Variants in NWD2 observed in about 807,000 individuals in gnomAD.
NWD2 encodes NACHT and WD repeat domain-containing protein 2.
In NWD2, 37 loss-of-function variants were observed where a neutral mutation model predicts 132.7. The observed-to-expected ratio is 0.28, with a 90% CI of 0.21 to 0.37. The LOEUF (loss-of-function observed/expected upper bound fraction) is 0.37, where lower values mean the gene tolerates loss of function less well. Ranked by LOEUF, NWD2 falls within the 10% of genes least tolerant of loss-of-function variation. The pLI is 1.00. For synonymous variants in NWD2, 705 were observed against 803.0 expected (o/e 0.88, Z 2.06); for missense variants, 1,592 against 2,122.4 (o/e 0.75, Z 4.91).
At chr4:37,348,656 A>G (rs868268430) in intron 2 of NWD2, among the ~76,000 whole-genome samples, 1 of 68,258 alleles carries the variant, frequency 1.5e-5, no homozygotes, top group African/African-American at 5.1e-5. Context: ...ATATATATAT[A>G]TATATATATA....
intron 1 of NWD2, among the ~76,000 whole-genome samples, chr4:37,253,087 C>A (rs1246066237): frequency 1.3e-5 from 2 of 151,220 alleles, no homozygotes; most frequent in Non-Finnish European, 2.9e-5. Context: ...AATCCAGGGG[C>A]ACTGCAAGTA....
rs114027479 is a variant in NWD2, at chr4:37,280,192, A to G, written c.151+34974A>G. Reference sequence around the variant, plus strand: ...TTCCTATGACATATTTCTGGCCACAAAAACATCACCAAACTTCTAAATAAA... The same window carrying G: ...TTCCTATGACATATTTCTGGCCACAGAAACATCACCAAACTTCTAAATAAA... On this transcript the variant is annotated intron_variant, in intron 1 of 6. Coordinates refer to ENST00000309447, the MANE Select transcript of NWD2 (RefSeq NM_001144990.2). Among the ~76,000 whole-genome samples, 763 of 152,336 alleles carry G rather than the reference A, an allele frequency of 5.0e-3. 5 individuals are homozygous for G. Among genetic ancestry groups the G allele is most frequent in the Middle Eastern group, 6.8e-3 (2 of 294 alleles).
At chr4:37,393,325 C>T (rs1482232972) in intron 3 of NWD2, among the ~76,000 whole-genome samples, 17 of 152,124 alleles carry the variant, frequency 1.1e-4, no homozygotes, top group Admixed American at 1.0e-3. Context: ...AATTTTACAA[C>T]AGAAATGATT....
chr4:37,359,209 T>G (rs1719928807), intron 3 of NWD2, among the ~76,000 whole-genome samples: 2 of 152,182 alleles, frequency 1.3e-5, no homozygotes, highest in Non-Finnish European at 2.9e-5. Context: ...AAAGGTTAGC[T>G]GACAGAACAG....
At chr4:37,380,706 A>ATTATT (rs1720435005) in intron 3 of NWD2, among the ~76,000 whole-genome samples, 1 of 152,234 alleles carries the variant, frequency 6.6e-6, no homozygotes, top group African/African-American at 2.4e-5. Context: ...TAAGTACTAC[A>ATTATT]TTATTTTCAT....
intron 1 of NWD2, among the ~76,000 whole-genome samples, chr4:37,274,954 C>A (rs1272980051): frequency 6.6e-6 from 1 of 152,128 alleles, no homozygotes; most frequent in East Asian, 1.9e-4. Flanking sequence ...CTATCTATGA[C>A]AAATGCACAG....
chr4:37,353,010 T>G (rs1302630060), intron 2 of NWD2, among the ~76,000 whole-genome samples: 1 of 152,212 alleles, frequency 6.6e-6, no homozygotes, highest in Non-Finnish European at 1.5e-5. Context: ...CCTTTCCATA[T>G]TTAATGCTTC....
At chr4:37,323,829 A>G (rs1388129154) in intron 1 of NWD2, among the ~76,000 whole-genome samples, 2 of 150,204 alleles carry the variant, frequency 1.3e-5, no homozygotes, top group African/African-American at 4.9e-5. Flanking sequence ...AAAATGTGGC[A>G]CATATACACC....
chr4:37,273,988 A>C (rs1192706547), intron 1 of NWD2, among the ~76,000 whole-genome samples: 1 of 152,182 alleles, frequency 6.6e-6, no homozygotes, highest in Non-Finnish European at 1.5e-5. Flanking sequence ...GGAAAGATCT[A>C]AAATTGACAC....
At chr4:37,435,394 T>A (rs1213816763) in intron 5 of NWD2, among the ~76,000 whole-genome samples, 1 of 152,212 alleles carries the variant, frequency 6.6e-6, no homozygotes, top group Non-Finnish European at 1.5e-5. Flanking sequence ...AAGCTGTTTT[T>A]AAAAATTAGG....
chr4:37,430,321 GC>G (rs968934407), intron 3 of NWD2, among the ~76,000 whole-genome samples: 6 of 152,126 alleles, frequency 3.9e-5, no homozygotes, highest in Admixed American at 2.0e-4. Flanking sequence ...TAAATTGGCT[GC>G]AAAAACTATT....
intron 3 of NWD2, among the ~76,000 whole-genome samples, chr4:37,410,707 G>A (rs756910216): frequency 2.0e-5 from 3 of 152,000 alleles, no homozygotes; most frequent in African/African-American, 2.4e-5. Flanking sequence ...TTCTCAGCAC[G>A]TATCACACTT....
intron 1 of NWD2, among the ~76,000 whole-genome samples, chr4:37,303,795 A>G (rs1431687947): frequency 6.6e-6 from 1 of 152,212 alleles, no homozygotes; most frequent in African/African-American, 2.4e-5. Context: ...CTACAATGTT[A>G]CCAAATTGGT....
intron 3 of NWD2, among the ~76,000 whole-genome samples, chr4:37,390,742 A>G (rs1720666277): frequency 6.6e-6 from 1 of 152,172 alleles, no homozygotes; most frequent in Non-Finnish European, 1.5e-5. Context: ...AGAGAGTTTA[A>G]ATGACTTGCC....
chr4:37,272,074 C>A (rs1366565748), intron 1 of NWD2, among the ~76,000 whole-genome samples: 1 of 151,514 alleles, frequency 6.6e-6, no homozygotes, highest in Non-Finnish European at 1.5e-5. Context: ...GTTTTTTATT[C>A]CTTGATTCTG....
intron 3 of NWD2, among the ~76,000 whole-genome samples, chr4:37,380,383 A>G (rs1209956579): frequency 6.6e-6 from 1 of 152,254 alleles, no homozygotes; most frequent in Non-Finnish European, 1.5e-5. Flanking sequence ...AAATCAGACC[A>G]TCAGTATTTA....
chr4:37,398,741 A>G (rs565760517), intron 3 of NWD2, among the ~76,000 whole-genome samples: 1 of 152,220 alleles, frequency 6.6e-6, no homozygotes, highest in Non-Finnish European at 1.5e-5. Flanking sequence ...TTAACTCACT[A>G]TATATAATCA....
At chr4:37,437,063 G>T (rs1234576296) in intron 5 of NWD2, among the ~76,000 whole-genome samples, 1 of 151,990 alleles carries the variant, frequency 6.6e-6, no homozygotes, top group Admixed American at 6.5e-5. Context: ...TCCACCGAAA[G>T]GAACCATTTT....
At chr4:37,299,547 C>T (rs1718568157) in intron 1 of NWD2, among the ~76,000 whole-genome samples, 1 of 152,108 alleles carries the variant, frequency 6.6e-6, no homozygotes, top group Non-Finnish European at 1.5e-5. Context: ...CTGTTTTCTA[C>T]AGGTATCTCA....
Sources: gnomAD v4.1 joint callset for allele counts (sites outside exome capture counted in the v4.1 genomes callset) on GRCh38, gnomAD v4.1.1 for gene constraint, MANE v1.5 for transcripts, NCBI Gene and HGNC (gene_info 2026-07-23, HGNC 2026-07-21) for gene names.